Variants in FRY observed in about 807,000 individuals in gnomAD.
FRY encodes protein furry homolog.
FRY carries 128 observed loss-of-function variants against 348.4 expected under a neutral mutation model. That is an observed-to-expected ratio of 0.37 (90% CI 0.32 to 0.43). The LOEUF (loss-of-function observed/expected upper bound fraction) is 0.43. Among genes scored for constraint, FRY ranks in the 20% least tolerant of loss-of-function variants. The probability of loss-of-function intolerance (pLI) is 1.00; values close to 1 mark genes in which losing one functional copy is unlikely to be tolerated. For missense variants in FRY, 2,736 were observed against 3,695.2 expected, an observed-to-expected ratio of 0.74 and a Z score of 6.73; for synonymous variants, 1,370 against 1,374.7, an observed-to-expected ratio of 1.00 and a Z score of 0.08.
At chr13:32,258,671 CA>C (rs1353587550) in intron 51 of FRY, among the ~76,000 whole-genome samples, 1 of 151,792 alleles carries the variant, frequency 6.6e-6, no homozygotes, top group Non-Finnish European at 1.5e-5. Flanking sequence ...TACATACTTT[CA>C]GTTGAATCTT....
chr13:32,226,326 T>C (rs2138416137), intron 39 of FRY, among the ~76,000 whole-genome samples: 1 of 152,340 alleles, frequency 6.6e-6, no homozygotes, highest in Middle Eastern at 3.4e-3. Context: ...CCCTTGCTAC[T>C]GCCTGAGAGC....
intron 1 of FRY, among the ~76,000 whole-genome samples, chr13:32,076,645 T>G (rs961186434): frequency 6.6e-6 from 1 of 152,216 alleles, no homozygotes; most frequent in Non-Finnish European, 1.5e-5. Context: ...CATCTCCTTA[T>G]GTAGTTCCTA....
chr13:32,198,745 A>G (rs930425197), intron 29 of FRY, among the ~76,000 whole-genome samples: 8 of 152,176 alleles, frequency 5.3e-5, no homozygotes, highest in Non-Finnish European at 1.2e-4. Flanking sequence ...CACCACCATC[A>G]TCTGGCGGTA....
At chr13:32,258,177 T>G (rs1223140999) in intron 51 of FRY, among the ~76,000 whole-genome samples, 1 of 152,256 alleles carries the variant, frequency 6.6e-6, no homozygotes, top group Non-Finnish European at 1.5e-5. Flanking sequence ...AATACATTTT[T>G]AAAACCTTTA....
chr13:32,176,635 T>C (rs183569182), intron 20 of FRY, among the ~76,000 whole-genome samples: 1 of 152,352 alleles, frequency 6.6e-6, no homozygotes, highest in Admixed American at 6.5e-5. Context: ...AATGGAATAC[T>C]AAGCTTTGTT....
intron 59 of FRY, among the ~76,000 whole-genome samples, chr13:32,291,702 C>T (rs1889377221): frequency 6.6e-6 from 1 of 152,108 alleles, no homozygotes; most frequent in African/African-American, 2.4e-5. Context: ...CGCCAGGATT[C>T]ACCATTCTTG....
At chr13:32,258,341 C>T (rs1296153855) in intron 51 of FRY, among the ~76,000 whole-genome samples, 1 of 152,148 alleles carries the variant, frequency 6.6e-6, no homozygotes, top group African/African-American at 2.4e-5. Flanking sequence ...TCACCGGGTA[C>T]CATGGCTCCC....
chr13:32,239,293 C>G lies in FRY; in HGVS notation c.6460C>G (p.Gln2154Glu), dbSNP rs1886381788. The G allele has an allele frequency of 2.5e-6, 4 of 1,611,966 alleles. No individual in the cohort carries two copies. The highest frequency in any genetic ancestry group is 2.7e-5 in the African/African-American group (2 of 74,882). ...CTTGTGTCTCCTGCCTCAGCTGATT[C>G]AGCATTTTGAAAATCCCAATCAGTT... is the stretch of plus-strand genomic sequence containing the variant. ...NVLCLLPQLI[Q>E]HFENPNQFCK... The change falls in exon 45 of 61, where the codon CAG becomes GAG. Residue 2154 changes from glutamine (Q) to glutamate (E), a missense_variant. Physicochemically the swap from Gln to Glu is conservative, Grantham distance 29. This residue lies in a region of FRY where 789 missense variants were observed against 996.2 expected (regional missense o/e 0.79). Coordinates refer to ENST00000542859, the MANE Select transcript of FRY (RefSeq NM_023037.3). The surrounding 1 kb of genome is among the most constrained non-coding windows in gnomAD (Gnocchi z 4.3).
At chr13:32,212,529 A>C in intron 35 of FRY, 147 bp downstream of exon 35, 1 of 655,456 alleles carries the variant, frequency 1.5e-6, no homozygotes, top group Non-Finnish European at 2.8e-6. Flanking sequence ...TTACTTTCCA[A>C]CTCTACTCAG....
At position 32,265,370 on chromosome 13, in the gene FRY, T is replaced by C. The variant is rs1887862238; in HGVS notation, c.7780-80T>C. ...TCACCATCAGCATTTCAGTCTCTCT[T>C]ATTTGTTCCTTAGTTGAACAGGTTG... On this transcript the variant is annotated intron_variant, in intron 53 of 60. Transcript: ENST00000542859. The C allele has an allele frequency of 5.2e-6, 7 of 1,340,292 alleles. No homozygotes were observed. In the South Asian group the frequency reaches 8.2e-5, roughly 16 times the overall value. The allele number at this position is 1,340,292 out of a possible 1,614,324, so 83.0% of individuals were successfully genotyped here. A position where few individuals can be genotyped will look rare whatever the true frequency, so the allele number is the denominator to read the frequency against.
In FRY at chr13:32,137,033, G is replaced by A. The variant is rs557094831; in HGVS notation, c.1179+61G>A. On this transcript the variant is annotated intron_variant, in intron 11 of 60. Coordinates refer to ENST00000542859, the MANE Select transcript of FRY (RefSeq NM_023037.3). ...AAAATTTACAGTAGTTTTTAGGCTG[G>A]CTGATGTGCTTCTGGAAGTGACTCC... 394 of 906,198 alleles carry A rather than the reference G, an allele frequency of 4.3e-4. 1 individual carries two copies. The highest frequency in any genetic ancestry group is 2.9e-3 in the South Asian group (225 of 76,794). The allele number at this position is 906,198 out of a possible 1,614,324, so 56.1% of individuals were successfully genotyped here.
rs1435622143 is a variant in FRY, at chr13:32,122,473, A to G, written c.465-1813A>G. On this transcript the variant is annotated intron_variant, in intron 4 of 60. Coordinates refer to ENST00000542859, the MANE Select transcript of FRY (RefSeq NM_023037.3). ...AAAAAAAGAAAAAAAAAAGCATTAG[A>G]CAAAATCCGGCATCTCTTTATGATT... 2.0e-5 allele frequency among the ~76,000 whole-genome samples: 3 copies of G among 152,030 alleles called. No homozygotes were observed. The East Asian group carries it at 5.8e-4, about 29-fold the overall frequency.
chr13:32,194,011 TA>T, intron 28 of FRY, 131 bp from the exon 29 acceptor site: 1 of 908,622 alleles, frequency 1.1e-6, no homozygotes, highest in Non-Finnish European at 1.8e-6. Flanking sequence ...ATATATGACA[TA>T]AAAACCAAAA....
intron 3 of FRY, among the ~76,000 whole-genome samples, chr13:32,109,406 T>C (rs1322666777): frequency 6.6e-6 from 1 of 152,192 alleles, no homozygotes; most frequent in Non-Finnish European, 1.5e-5. Context: ...TTGTATCAAG[T>C]GCTCTAGGAA....
chr13:32,225,432 G>C (rs1208242084), intron 38 of FRY, among the ~76,000 whole-genome samples: 1 of 152,208 alleles, frequency 6.6e-6, no homozygotes, highest in African/African-American at 2.4e-5. Context: ...AGGGGAACCA[G>C]CCAGGGAAAC....
At chr13:32,294,799 C>T (rs543473385) in intron 60 of FRY, among the ~76,000 whole-genome samples, 4 of 152,290 alleles carry the variant, frequency 2.6e-5, no homozygotes, top group African/African-American at 9.6e-5. Context: ...AATGCTGAAG[C>T]ACTTCAAAAT....
At chr13:32,114,804 A>C (rs1878198078) in intron 3 of FRY, among the ~76,000 whole-genome samples, 1 of 152,212 alleles carries the variant, frequency 6.6e-6, no homozygotes, top group Non-Finnish European at 1.5e-5. Context: ...ATGTTGGGAT[A>C]ACTTTAGAAA....
intron 60 of FRY, 43 bp downstream of exon 60, chr13:32,294,613 C>T (rs1889540944): frequency 2.1e-6 from 3 of 1,407,032 alleles, no homozygotes; most frequent in Non-Finnish European, 3.0e-6. Flanking sequence ...AGGAAATGCA[C>T]ACCTGGTTGT....
chr13:32,260,273 A>G (rs1887560735), intron 51 of FRY, among the ~76,000 whole-genome samples: 1 of 152,226 alleles, frequency 6.6e-6, no homozygotes, highest in African/African-American at 2.4e-5. Flanking sequence ...TTTTATTCCA[A>G]TGAACCATCA....
Sources: gnomAD v4.1 joint callset for allele counts (sites outside exome capture counted in the v4.1 genomes callset) on GRCh38, gnomAD v4.1.1 for gene constraint, gnomAD v4.1.1 regional missense constraint, Gnocchi (gnomAD v3.1) non-coding constraint, MANE v1.5 for transcripts, NCBI Gene and HGNC (gene_info 2026-07-23, HGNC 2026-07-21) for gene names.